Variants in CCDC63 observed in about 807,000 individuals in gnomAD.
The protein encoded by CCDC63 is coiled-coil domain containing 63, also known as coiled-coil domain-containing protein 63.
Under a neutral mutation model 63.6 loss-of-function variants are expected in CCDC63, and 54 were observed. That is an observed-to-expected ratio of 0.85 (90% CI 0.68 to 1.07). The LOEUF (loss-of-function observed/expected upper bound fraction) is 1.07, where lower values mean the gene tolerates loss of function less well. Ranked by LOEUF, CCDC63 falls within the 50% of genes least tolerant of loss-of-function variation. CCDC63 has a pLI of 0.00. For missense variants in CCDC63, 637 were observed against 689.6 expected, an observed-to-expected ratio of 0.92 and a Z score of 0.86; for synonymous variants, 253 against 266.1, an observed-to-expected ratio of 0.95 and a Z score of 0.48.
At chr12:110,857,902 T>G (rs954800083) in intron 3 of CCDC63, among the ~76,000 whole-genome samples, 1 of 152,006 alleles carries the variant, frequency 6.6e-6, no homozygotes, top group African/African-American at 2.4e-5. Context: ...AGGCCAGTAG[T>G]TCGAGACCAG....
intron 8 of CCDC63, among the ~76,000 whole-genome samples, chr12:110,891,644 A>AAAAG (rs1475269991): frequency 1.3e-5 from 2 of 151,162 alleles, no homozygotes; most frequent in African/African-American, 4.9e-5. Context: ...CAAAAAAAAA[A>AAAAG]AAAAAAAAAA....
At chr12:110,853,614 G>A in intron 3 of CCDC63, 40 bp downstream of exon 3, 1 of 1,611,648 alleles carries the variant, frequency 6.2e-7, no homozygotes, top group Non-Finnish European at 8.5e-7. Context: ...TGACCTTGGA[G>A]GAAAGTTGGG....
intron 1 of CCDC63, among the ~76,000 whole-genome samples, chr12:110,851,625 A>G (rs906020639): frequency 6.6e-6 from 1 of 152,122 alleles, no homozygotes; most frequent in African/African-American, 2.4e-5. Context: ...CCAGGAGTGC[A>G]GGAAGGTGTG....
At position 110,852,818 on chromosome 12, in the gene CCDC63, G is replaced by A. The variant is rs1322123906; in HGVS notation, c.-96-41G>A. 3 of 1,358,564 alleles carry A rather than the reference G, an allele frequency of 2.2e-6. No individual in the cohort carries two copies. In the African/African-American group the frequency reaches 4.3e-5, roughly 19 times the overall value. 84.2% of individuals were successfully genotyped at this position (1,358,564 alleles called of 1,614,324 possible). On this transcript the variant is annotated intron_variant, in intron 1 of 11. Transcript: ENST00000308208. The stretch of plus-strand genomic sequence containing the variant: ...CCGTTCTGACCTGCACCCCCAGCAG[G>A]GGTGGCTTACAAGTTCTCTTCCTTT...
At chr12:110,868,141 G>A (rs1030953011) in intron 4 of CCDC63, among the ~76,000 whole-genome samples, 1 of 148,872 alleles carries the variant, frequency 6.7e-6, no homozygotes, top group Non-Finnish European at 1.5e-5. Context: ...ATGGGCGGCC[G>A]GGCAGAGACG....
intron 4 of CCDC63, among the ~76,000 whole-genome samples, chr12:110,859,581 C>T (rs112797595): frequency 0.028 from 4,316 of 152,014 alleles, 167 homozygotes; most frequent in African/African-American, 0.089. Flanking sequence ...GCTGAGATTA[C>T]GGGCGTGAGC....
intron 3 of CCDC63, among the ~76,000 whole-genome samples, chr12:110,857,284 C>T (rs61453357): frequency 7.9e-5 from 12 of 151,824 alleles, no homozygotes; most frequent in Admixed American, 2.0e-4. Context: ...CACCACCCCC[C>T]CCGGCTAATT....
At chr12:110,905,401 C>G (rs920053882) in intron 11 of CCDC63, among the ~76,000 whole-genome samples, 2 of 152,164 alleles carry the variant, frequency 1.3e-5, no homozygotes, top group Admixed American at 6.5e-5. Context: ...GGAGCCAGGC[C>G]TTCACTCTGA....
intron 4 of CCDC63, among the ~76,000 whole-genome samples, chr12:110,863,753 C>G (rs943001889): frequency 9.2e-5 from 14 of 152,100 alleles, no homozygotes; most frequent in Admixed American, 9.2e-4. Context: ...GTTAGCCAGG[C>G]TAGTATTGAA....
At position 110,904,646 on chromosome 12, in the gene CCDC63, G is replaced by A. The variant is rs1412845823; in HGVS notation, c.1401G>A (p.Leu467=). 6.2e-7 allele frequency: 1 copy of A among 1,614,082 alleles called. No homozygotes were observed. Among genetic ancestry groups the A allele is most frequent in the Non-Finnish European group, 8.5e-7 (1 of 1,180,010 alleles). Residue 467 remains leucine, a synonymous_variant, in exon 11 of 12, where the codon CTG becomes CTA. Coordinates refer to ENST00000308208, the MANE Select transcript of CCDC63 (RefSeq NM_152591.3). ...TGTTGGAGACCTACAGGCGCATCCT[G>A]GAAGTGGAAGGGGCAGAGGCTGAGA... ...LLLLETYRRI[L]EVEGAEAEIP...
chr12:110,880,691 GTAA>G (rs2071189200), intron 6 of CCDC63, among the ~76,000 whole-genome samples: 2 of 230 alleles, frequency 8.7e-3, no homozygotes, highest in East Asian at 0.12. Context: ...GATAATGATG[GTAA>G]TGATGGTGAT....
At chr12:110,868,660 A>G (rs1433234825) in intron 4 of CCDC63, among the ~76,000 whole-genome samples, 3 of 148,862 alleles carry the variant, frequency 2.0e-5, no homozygotes, top group African/African-American at 7.4e-5. Context: ...CAGTGAGCCG[A>G]GATGGCAGCA....
At chr12:110,866,959 A>C (rs1370883883) in intron 4 of CCDC63, among the ~76,000 whole-genome samples, 1 of 98,014 alleles carries the variant, frequency 1.0e-5, no homozygotes. Context: ...TGACCCCCCC[A>C]CCTCCCTCCC....
intron 4 of CCDC63, among the ~76,000 whole-genome samples, chr12:110,870,432 AG>A (rs1351447305): frequency 6.6e-6 from 1 of 152,232 alleles, no homozygotes; most frequent in African/African-American, 2.4e-5. Flanking sequence ...TTACTGTCCC[AG>A]GATCTAATCC....
In CCDC63 at chr12:110,874,627, G is replaced by C. The variant is rs1231660028; in HGVS notation, c.489+666G>C. On this transcript the variant is annotated intron_variant, in intron 5 of 11. Coordinates refer to ENST00000308208, the MANE Select transcript of CCDC63 (RefSeq NM_152591.3). ...GGATTTCATTTTTGGGTAGCCCCCAGTGTGAACGAATGCTAGTAGAAATGA... is the reference window on the plus strand; with the variant it reads ...GGATTTCATTTTTGGGTAGCCCCCACTGTGAACGAATGCTAGTAGAAATGA... Among the ~76,000 whole-genome samples, 4 of 152,356 alleles carry C rather than the reference G, an allele frequency of 2.6e-5. No homozygotes were observed. The East Asian group carries it at 7.7e-4, about 29-fold the overall frequency.
intron 5 of CCDC63, 149 bp downstream of exon 5, chr12:110,874,110 GC>G (rs1441699796): frequency 9.1e-7 from 1 of 1,099,036 alleles, no homozygotes; most frequent in African/African-American, 1.6e-5. Flanking sequence ...AGGCCAGGAA[GC>G]CTTTAGGATT....
At chr12:110,881,351 C>A in intron 7 of CCDC63, 55 bp downstream of exon 7, 1 of 1,520,144 alleles carries the variant, frequency 6.6e-7, no homozygotes, top group Non-Finnish European at 8.9e-7. Context: ...TGCCTTCTTT[C>A]TCTCTTTCTC....
chr12:110,890,180 TC>T (rs2071338544), intron 8 of CCDC63, among the ~76,000 whole-genome samples: 1 of 152,000 alleles, frequency 6.6e-6, no homozygotes, highest in South Asian at 2.1e-4. Flanking sequence ...GGTGTGTGCC[TC>T]TAGTCCCAGC....
chr12:110,870,941 C>T (rs73421339), intron 4 of CCDC63, among the ~76,000 whole-genome samples: 11,507 of 152,098 alleles, frequency 0.076, 496 homozygotes, highest in East Asian at 0.15. Flanking sequence ...TTTCCACCTC[C>T]GTCCCTGGTG....
Sources: allele counts gnomAD v4.1 joint callset (sites outside exome capture counted in the v4.1 genomes callset), GRCh38; gene constraint gnomAD v4.1.1; transcripts MANE v1.5; gene names NCBI Gene and HGNC (gene_info 2026-07-23, HGNC 2026-07-21).